HERC3: variants seen among roughly 807,000 people sequenced by gnomAD.
The protein encoded by HERC3 is probable E3 ubiquitin-protein ligase HERC3.
In HERC3, 58 loss-of-function variants were observed where a neutral mutation model predicts 129.9. The ratio of observed to expected loss-of-function variants is 0.45; its 90% CI spans 0.36 to 0.56. HERC3 has a LOEUF of 0.56. Ranked by LOEUF, HERC3 falls within the 20% of genes least tolerant of loss-of-function variation. The probability of loss-of-function intolerance (pLI) is 0.00; values close to 1 mark genes in which losing one functional copy is unlikely to be tolerated. For missense variants in HERC3, 835 were observed against 1,244.2 expected, an observed-to-expected ratio of 0.67 and a Z score of 4.95; for synonymous variants, 430 against 451.0, an observed-to-expected ratio of 0.95 and a Z score of 0.59.
chr4:88,555,729 GT>G, the HERC3 span, among the ~76,000 whole-genome samples: 1 of 152,200 alleles, frequency 6.6e-6, no homozygotes, highest in South Asian at 2.1e-4. Context: ...TATGACAATG[GT>G]TGCTGAAGTG....
At chr4:88,546,235 T>C in the HERC3 span, among the ~76,000 whole-genome samples, 19 of 152,170 alleles carry the variant, frequency 1.2e-4, no homozygotes, top group African/African-American at 4.6e-4. Flanking sequence ...AGGCACAGTC[T>C]AACAGAAGTT....
intron 1 of HERC3, among the ~76,000 whole-genome samples, chr4:88,594,460 C>G (rs1578129298): frequency 6.6e-6 from 1 of 152,136 alleles, no homozygotes; most frequent in South Asian, 2.1e-4. Flanking sequence ...CTGGAGTGCA[C>G]TGGTGCGATC....
At chr4:88,677,100 A>G (rs764898564) in intron 18 of HERC3, among the ~76,000 whole-genome samples, 3 of 151,946 alleles carry the variant, frequency 2.0e-5, no homozygotes, top group Non-Finnish European at 2.9e-5. Flanking sequence ...GCGCCACTGC[A>G]CTCCAGCCTG....
the HERC3 span, among the ~76,000 whole-genome samples, chr4:88,538,607 G>A: frequency 1.4e-4 from 21 of 148,830 alleles, no homozygotes; most frequent in African/African-American, 4.7e-4. Context: ...GCAGTGGTGC[G>A]ATCTCCGCTC....
chr4:88,699,663 A>G (rs1401069628), intron 23 of HERC3, among the ~76,000 whole-genome samples: 1 of 151,914 alleles, frequency 6.6e-6, no homozygotes, highest in East Asian at 1.9e-4. Context: ...TTTGACCCCT[A>G]TAGTATGGAT....
chr4:88,593,796 A>C (rs555484240), intron 1 of HERC3, among the ~76,000 whole-genome samples: 12 of 152,342 alleles, frequency 7.9e-5, no homozygotes, highest in African/African-American at 2.9e-4. Context: ...GAAATGAAAA[A>C]ATAAAAAGTT....
chr4:88,576,629 T>C, the HERC3 span, among the ~76,000 whole-genome samples: 1 of 152,176 alleles, frequency 6.6e-6, no homozygotes, highest in Non-Finnish European at 1.5e-5. Flanking sequence ...GGTCTCCCCA[T>C]TAATGTGTGC....
chr4:88,690,227 T>C, intron 23 of HERC3: 1 of 978,278 alleles, frequency 1.0e-6, no homozygotes, highest in South Asian at 4.7e-5. Context: ...ATAATTTATC[T>C]TCAGGATGTT....
chr4:88,692,825 C>A (rs759233498), intron 23 of HERC3: 15 of 891,672 alleles, frequency 1.7e-5, no homozygotes, highest in Non-Finnish European at 2.0e-5. Flanking sequence ...TTAGACTGCG[C>A]TCCATGGGTA....
chr4:88,698,132 G>C (rs1490630970), intron 23 of HERC3, among the ~76,000 whole-genome samples: 6 of 152,204 alleles, frequency 3.9e-5, no homozygotes, highest in East Asian at 3.9e-4. Context: ...ACCATTTTCC[G>C]TGTGCTCCTC....
chr4:88,651,988 A>AAAAG, intron 4 of HERC3, 24 bp from the exon 5 acceptor site: 1 of 1,531,902 alleles, frequency 6.5e-7, no homozygotes, highest in Non-Finnish European at 9.0e-7. Flanking sequence ...ATCTATCTGA[A>AAAAG]AAAGAAAGCC....
At chr4:88,610,654 CAG>C (rs1724211700) in intron 3 of HERC3, among the ~76,000 whole-genome samples, 1 of 152,158 alleles carries the variant, frequency 6.6e-6, no homozygotes, top group South Asian at 2.1e-4. Context: ...AGCCTCACTG[CAG>C]AGTCAGTTGC....
Position 88,605,922 on chromosome 4 carries a change from C to G in HERC3, c.99C>G (p.Asp33Glu), listed in dbSNP as rs769578241. 4 of 1,614,038 alleles carry G rather than the reference C, an allele frequency of 2.5e-6. No homozygotes were observed. The African/African-American group carries it at 5.3e-5, about 22-fold the overall frequency. The change falls in exon 3 of 26, where the codon GAC becomes GAG. Residue 33 changes from aspartate (D) to glutamate (E), a missense_variant. Transcript: ENST00000402738. ...AEPQVCGFIS[D>E]RSVKEVACGG... ...CCCAGGTGTGTGGGTTCATATCTGACAGAAGTGTCAAGGAAGTGGCCTGTG... is the reference window on the plus strand; with the variant it reads ...CCCAGGTGTGTGGGTTCATATCTGAGAGAAGTGTCAAGGAAGTGGCCTGTG...
At chr4:88,532,080 G>A in the HERC3 span, among the ~76,000 whole-genome samples, 1 of 152,038 alleles carries the variant, frequency 6.6e-6, no homozygotes, top group Non-Finnish European at 1.5e-5. Context: ...AACCCTGACT[G>A]GTCAACTACC....
the HERC3 span, among the ~76,000 whole-genome samples, chr4:88,555,801 T>A: frequency 2.0e-5 from 3 of 152,216 alleles, no homozygotes; most frequent in Non-Finnish European, 2.9e-5. Context: ...TTGGTTAAGT[T>A]TGATACGATG....
chr4:88,658,318 T>C lies in HERC3; in HGVS notation c.1070-97T>C, dbSNP rs534609502. ...CTGTGACACAATTAAAATGGATAGG[T>C]ACCCACTCTGAAGTGTATTCTGCGA... On this transcript the variant is annotated intron_variant, in intron 9 of 25. Coordinates refer to ENST00000402738, the MANE Select transcript of HERC3 (RefSeq NM_014606.3). 2.8e-5 allele frequency: 17 copies of C among 602,886 alleles called. No homozygotes were observed. In the African/African-American group the frequency reaches 3.2e-4, roughly 11 times the overall value. The allele number at this position is 602,886 out of a possible 1,614,324, so 37.3% of individuals were successfully genotyped here.
At chr4:88,603,204 C>CTT (rs1191378063) in intron 2 of HERC3, among the ~76,000 whole-genome samples, 45 of 131,028 alleles carry the variant, frequency 3.4e-4, no homozygotes, top group Non-Finnish European at 4.1e-4. Flanking sequence ...ATCGCTTTCT[C>CTT]TTTTTTTTTT....
the HERC3 span, among the ~76,000 whole-genome samples, chr4:88,582,525 A>G: frequency 1.3e-5 from 2 of 152,296 alleles, no homozygotes; most frequent in East Asian, 3.9e-4. Flanking sequence ...TGAAGTTCCC[A>G]TATTTGACTG....
intron 3 of HERC3, among the ~76,000 whole-genome samples, chr4:88,643,164 G>A (rs192754218): frequency 5.6e-4 from 85 of 152,072 alleles, no homozygotes; most frequent in Non-Finnish European, 1.0e-3. Flanking sequence ...AAATACTTAG[G>A]TATAACTTTA....
Sources: gnomAD v4.1 joint callset for allele counts (sites outside exome capture counted in the v4.1 genomes callset) on GRCh38, gnomAD v4.1.1 for gene constraint, MANE v1.5 for transcripts, NCBI Gene and HGNC (gene_info 2026-07-23, HGNC 2026-07-21) for gene names.